COL16A1: variants seen among roughly 807,000 people sequenced by gnomAD.
COL16A1 encodes the protein collagen type XVI alpha 1 chain.
Under a neutral mutation model 266.3 loss-of-function variants are expected in COL16A1, and 189 were observed. That is an observed-to-expected ratio of 0.71 (90% CI 0.63 to 0.80). The LOEUF is 0.80. Among genes scored for constraint, COL16A1 ranks in the 30% least tolerant of loss-of-function variants. The pLI is 0.00. For missense variants in COL16A1, 1,928 were observed against 2,122.4 expected (o/e 0.91, Z 1.80); for synonymous variants, 740 against 782.3 (o/e 0.95, Z 0.90).
chr1:31,684,677 G>A (rs1029271012), intron 30 of COL16A1, 47 bp from the exon 31 acceptor site: 2 of 1,608,214 alleles, frequency 1.2e-6, no homozygotes, highest in African/African-American at 1.3e-5. Flanking sequence ...CCAGCCGGGG[G>A]CAGGTTGCCC....
At position 31,653,422 on chromosome 1, in the gene COL16A1, G is replaced by A. The variant is rs1426120412; in HGVS notation, c.4612+177C>T. On this transcript the variant is annotated intron_variant, in intron 70 of 70. Coordinates refer to ENST00000373672, the MANE Select transcript of COL16A1 (RefSeq NM_001856.4). ...CTTAAGGACAGGTACTGAGTCTTCC[G>A]CCCCCACATCCCCACAGGCCCTGGC... The A allele has an allele frequency of 1.4e-5, 10 of 710,082 alleles. 1 individual carries two copies. Among genetic ancestry groups the A allele is most frequent in the African/African-American group, 1.1e-4 (6 of 55,518 alleles). 44.0% of individuals were successfully genotyped at this position (710,082 alleles called of 1,614,324 possible).
rs541253927 is a variant in COL16A1, at chr1:31,667,030, A to G, written c.3357+545T>C. Among the ~76,000 whole-genome samples the G allele has an allele frequency of 2.0e-5, 3 of 152,270 alleles. No homozygotes were observed. In the East Asian group the frequency reaches 5.8e-4, roughly 29 times the overall value. ...TGCCTGATGGAGTTTGCTGAATCCC[A>G]CTGGGGCCTCACTGAAACTGGTGAA... On this transcript the variant is annotated intron_variant, in intron 52 of 70. Coordinates refer to ENST00000373672, the MANE Select transcript of COL16A1 (RefSeq NM_001856.4).
intron 1 of COL16A1, among the ~76,000 whole-genome samples, chr1:31,703,064 A>G (rs1644776777): frequency 1.3e-5 from 2 of 152,210 alleles, no homozygotes; most frequent in Admixed American, 6.5e-5. Flanking sequence ...ATGCGCAGGT[A>G]CATGTACATA....
Position 31,696,068 on chromosome 1 carries a change from CCCCCCA to C in COL16A1, c.918+14_918+19del. 3.9e-6 allele frequency: 6 copies of C among 1,543,650 alleles called. No individual in the cohort carries two copies. The highest frequency in any genetic ancestry group is 4.5e-6 in the Non-Finnish European group (5 of 1,116,774). On this transcript the variant is annotated intron_variant, in intron 9 of 70. Transcript: ENST00000373672. ...GCAGACTGAGGGCAGGTAGGCTCCT[CCCCCCA>C]CCCCCACCTCTACCTTTGCTCCCCT...
chr1:31,690,633 C>T, intron 20 of COL16A1, 60 bp from the exon 21 acceptor site: 2 of 1,589,040 alleles, frequency 1.3e-6, no homozygotes. Context: ...TCGGTGCGTT[C>T]CCCCTTCCCC....
At chr1:31,692,308 T>C (rs1644306374) in intron 16 of COL16A1, among the ~76,000 whole-genome samples, 166 bp downstream of exon 16, 1 of 135,540 alleles carries the variant, frequency 7.4e-6, no homozygotes, top group South Asian at 2.6e-4. Context: ...GCTGGGTATT[T>C]GGACGAGGCA....
At chr1:31,693,939 G>T (rs748330472) in intron 12 of COL16A1, among the ~76,000 whole-genome samples, 2 of 152,238 alleles carry the variant, frequency 1.3e-5, no homozygotes, top group Non-Finnish European at 2.9e-5. Context: ...CTGGTGCACA[G>T]AAGGGCCTCA....
chr1:31,687,640 C>A (rs1644057047), intron 26 of COL16A1, among the ~76,000 whole-genome samples: 1 of 150,822 alleles, frequency 6.6e-6, no homozygotes, highest in South Asian at 2.1e-4. Flanking sequence ...GAGGGGGCAG[C>A]GTCAGGAGTG....
In COL16A1 at chr1:31,680,811, G is replaced by A. The variant is rs765915498; in HGVS notation, c.2610+94C>T. 1,675 of 1,601,022 alleles carry A rather than the reference G, an allele frequency of 1.0e-3. 5 individuals carry two copies. Among genetic ancestry groups the A allele is most frequent in the Non-Finnish European group, 1.3e-3 (1,524 of 1,172,190 alleles). The stretch of plus-strand genomic sequence containing the variant: ...CTGGTTCATGGTGGGAAGGCTGGAG[G>A]GGCTGCTAATCCCCCAGAGTACGGG... On this transcript the variant is annotated intron_variant, in intron 39 of 70. Transcript: ENST00000373672.
intron 45 of COL16A1, 24 bp from the exon 46 acceptor site, chr1:31,672,661 AT>A (rs775065003): frequency 4.2e-5 from 68 of 1,605,920 alleles, no homozygotes; most frequent in Non-Finnish European, 5.7e-5. Flanking sequence ...TGAGAGGCAC[AT>A]TGTCTGATGA....
In COL16A1 at chr1:31,685,305, T is replaced by G. The variant is rs114779438; in HGVS notation, c.2016+334A>C. On this transcript the variant is annotated intron_variant, in intron 29 of 70. Transcript: ENST00000373672. This position sits in a 1 kb window ranked among gnomAD's most constrained non-coding sequence, Gnocchi z 4.0. ...CCACTAAGCACTTCACACACGCCATTACTAGGCTTTACTCTGTGCAGGAAA... is the reference window on the plus strand; with the variant it reads ...CCACTAAGCACTTCACACACGCCATGACTAGGCTTTACTCTGTGCAGGAAA... 0.016 allele frequency among the ~76,000 whole-genome samples: 2,375 copies of G among 152,300 alleles called. 56 individuals carry two copies. Among genetic ancestry groups the G allele is most frequent in the African/African-American group, 0.054 (2,262 of 41,536 alleles).
chr1:31,654,276 G>A (rs964255308), intron 68 of COL16A1, among the ~76,000 whole-genome samples: 1 of 152,168 alleles, frequency 6.6e-6, no homozygotes, highest in Non-Finnish European at 1.5e-5. Flanking sequence ...TGGCATCTCT[G>A]CTCCAACACC....
intron 42 of COL16A1, among the ~76,000 whole-genome samples, chr1:31,677,001 T>A (rs1643244894): frequency 6.6e-6 from 1 of 152,258 alleles, no homozygotes; most frequent in Non-Finnish European, 1.5e-5. Context: ...CCAGGCCCCC[T>A]GGCACCTCTG....
intron 10 of COL16A1, 27 bp from the exon 11 acceptor site, chr1:31,695,248 T>C (rs749432335): frequency 1.9e-6 from 3 of 1,613,010 alleles, no homozygotes; most frequent in Non-Finnish European, 2.5e-6. Flanking sequence ...GGCGAAGAGG[T>C]CAATTCTGAG....
chr1:31,690,351 C>A lies in COL16A1; in HGVS notation c.1509+16G>T, dbSNP rs1454208235. The A allele has an allele frequency of 6.2e-7, 1 of 1,613,490 alleles. No homozygotes were observed. ...CCGTTCCCACCCCGATCTGGGCAGC[C>A]AGGCCTAGGACTCACCTTCTCTCCC... On this transcript the variant is annotated intron_variant, in intron 22 of 70. Coordinates refer to ENST00000373672, the MANE Select transcript of COL16A1 (RefSeq NM_001856.4).
chr1:31,678,808 C>T (rs905740548), intron 42 of COL16A1, among the ~76,000 whole-genome samples: 8 of 152,144 alleles, frequency 5.3e-5, no homozygotes, highest in African/African-American at 1.4e-4. Context: ...ACTTGCCTAC[C>T]GTCACACAGC....
rs1641998538 is a variant in COL16A1, at chr1:31,664,922, A to G, written c.3555+250T>C. ...TGCCTTTCCCCCCATCACAGCAGAC[A>G]AGGGCCTGGGCTGCACAGAGGCCGC... On this transcript the variant is annotated intron_variant, in intron 56 of 70. Coordinates refer to ENST00000373672, the MANE Select transcript of COL16A1 (RefSeq NM_001856.4). The surrounding 1 kb of genome is among the most constrained non-coding windows in gnomAD (Gnocchi z 5.5). Among the ~76,000 whole-genome samples the G allele has an allele frequency of 6.6e-6, 1 of 151,950 alleles. No individual in the cohort carries two copies.
At position 31,688,396 on chromosome 1, in the gene COL16A1, G is replaced by A. The variant is rs775591355; in HGVS notation, c.1803+71C>T. 146 of 1,537,070 alleles carry A rather than the reference G, an allele frequency of 9.5e-5. No individual in the cohort carries two copies. The highest frequency in any genetic ancestry group is 3.7e-4 in the Admixed American group (22 of 59,812). On this transcript the variant is annotated intron_variant, in intron 26 of 70. Coordinates refer to ENST00000373672, the MANE Select transcript of COL16A1 (RefSeq NM_001856.4). The surrounding 1 kb of genome is among the most constrained non-coding windows in gnomAD (Gnocchi z 4.9). ...CTTGTTTATATTACCCTTATTCCCCGCCCGCACCACTCCTCCCCTGCCTGC... is the reference window on the plus strand; with the variant it reads ...CTTGTTTATATTACCCTTATTCCCCACCCGCACCACTCCTCCCCTGCCTGC...
chr1:31,684,459 G>A, intron 31 of COL16A1, 64 bp downstream of exon 31: 3 of 1,575,778 alleles, frequency 1.9e-6, no homozygotes, highest in Non-Finnish European at 2.6e-6. Context: ...TTCCCTCACT[G>A]GTGCGACACC....
Sources: gnomAD v4.1 joint callset for allele counts (sites outside exome capture counted in the v4.1 genomes callset) on GRCh38, gnomAD v4.1.1 for gene constraint, Gnocchi (gnomAD v3.1) non-coding constraint, MANE v1.5 for transcripts, NCBI Gene and HGNC (gene_info 2026-07-23, HGNC 2026-07-21) for gene names.